The following SOX11 variants were observed in gnomAD, a reference collection of about 807,000 sequenced individuals.
SOX11 encodes the protein SRY-box transcription factor 11, also known as transcription factor SOX-11.
A neutral mutation model predicts 16.7 loss-of-function variants in SOX11; 5 were observed. That is an observed-to-expected ratio of 0.30 (90% CI 0.16 to 0.63). SOX11 has a LOEUF of 0.63. Among genes scored for constraint, SOX11 ranks in the 20% least tolerant of loss-of-function variants. The probability of loss-of-function intolerance (pLI) is 0.82; values close to 1 mark genes in which losing one functional copy is unlikely to be tolerated. For synonymous variants in SOX11, 363 were observed against 298.8 expected, an observed-to-expected ratio of 1.21 and a Z score of -2.22; for missense variants, 492 against 641.5, an observed-to-expected ratio of 0.77 and a Z score of 2.52.
At position 5,696,387 on chromosome 2, in the gene SOX11, G is replaced by T; in HGVS notation, c.*2340G>T. 6.0e-6 allele frequency: 1 copy of T among 165,792 alleles called. No individual in the cohort carries two copies. The highest frequency in any genetic ancestry group is 1.9e-4 in the South Asian group (1 of 5,220). 10.3% of individuals were successfully genotyped at this position (165,792 alleles called of 1,614,324 possible). The stretch of plus-strand genomic sequence containing the variant: ...CCGCAGGGGGCGCGGGGCGCGGCGG[G>T]ACCCAGGCTACGAGCGGGAGGGAGG... On this transcript the variant is annotated 3_prime_UTR_variant, in exon 1 of 1. Transcript: ENST00000322002.
rs1217089456 is a variant in SOX11, at chr2:5,692,572, AG to A, written c.-143del. ...CCACAGCCGCTGTGTGCAGCCTGGA[AG>A]GGGGGGCGGGGGGGAGGGGGGGAGC... On this transcript the variant is annotated 5_prime_UTR_variant, in exon 1 of 1. Coordinates refer to ENST00000322002, the MANE Select transcript of SOX11 (RefSeq NM_003108.4). 67 of 422,780 alleles carry A rather than the reference AG, an allele frequency of 1.6e-4. No homozygotes were observed. The highest frequency in any genetic ancestry group is 9.8e-4 in the East Asian group (25 of 25,450). 26.2% of individuals were successfully genotyped at this position (422,780 alleles called of 1,614,324 possible).
Position 5,696,400 on chromosome 2 carries a change from AGCGGGAGGGAG to A in SOX11, c.*2361_*2371del, listed in dbSNP as rs1459226575. The stretch of plus-strand genomic sequence containing the variant: ...GGGGCGCGGCGGGACCCAGGCTACG[AGCGGGAGGGAG>A]GCGGGAGTCGGGGGAAGACGCGGCA... On this transcript the variant is annotated 3_prime_UTR_variant, in exon 1 of 1. Transcript: ENST00000322002. 1.2e-5 allele frequency: 2 copies of A among 162,710 alleles called. No individual in the cohort carries two copies. Among genetic ancestry groups the A allele is most frequent in the African/African-American group, 4.8e-5 (2 of 41,280 alleles). 10.1% of individuals were successfully genotyped at this position (162,710 alleles called of 1,614,324 possible). A position where few individuals can be genotyped will look rare whatever the true frequency, so the allele number is the denominator to read the frequency against.
Position 5,693,873 on chromosome 2 carries a change from C to T in SOX11, c.1152C>T (p.Gly384=), listed in dbSNP as rs370958574. The T allele has an allele frequency of 3.0e-5, 46 of 1,551,392 alleles. No individual in the cohort carries two copies. The East Asian group carries it at 7.6e-4, about 26-fold the overall frequency. ...HSASEQQLGG[G]AAAGNLSLSL... is the part of the protein sequence containing the mutation. ...CCAGCGAGCAGCAGCTGGGGGGCGG[C>T]GCGGCGGCCGGGAACCTGTCCCTGT... Residue 384 remains glycine (G), a synonymous_variant, in exon 1 of 1, where the codon GGC becomes GGT. Coordinates refer to ENST00000322002, the MANE Select transcript of SOX11 (RefSeq NM_003108.4). The surrounding 1 kb of genome is among the most constrained non-coding windows in gnomAD (Gnocchi z 8.6).
Position 5,699,436 on chromosome 2 carries a change from A to G in SOX11, c.*5389A>G, listed in dbSNP as rs1320340434. 3.0e-5 allele frequency: 5 copies of G among 167,034 alleles called. No individual in the cohort carries two copies. The highest frequency in any genetic ancestry group is 1.2e-4 in the African/African-American group (5 of 41,468). The allele number at this position is 167,034 out of a possible 1,614,324, so 10.3% of individuals were successfully genotyped here. A position where few individuals can be genotyped will look rare whatever the true frequency, so the allele number is the denominator to read the frequency against. ...TAACACAGGGATTTACAAGTTCCCA[A>G]AGTAACCGTCTCCATGTAACTCTTG... On this transcript the variant is annotated 3_prime_UTR_variant, in exon 1 of 1. Transcript: ENST00000322002.
rs546100296 is a variant in SOX11, at chr2:5,700,356, C to T, written c.*6309C>T. 1 of 166,210 alleles carries T rather than the reference C, an allele frequency of 6.0e-6. No individual in the cohort carries two copies. Among genetic ancestry groups the T allele is most frequent in the Admixed American group, 6.6e-5 (1 of 15,230 alleles). 10.3% of individuals were successfully genotyped at this position (166,210 alleles called of 1,614,324 possible). Reference sequence around the variant, plus strand: ...AAAAAATAGGATTTCCTCTAGGCTCCTCGAAGAGATTTTTTTAATATGATG... The same window carrying T: ...AAAAAATAGGATTTCCTCTAGGCTCTTCGAAGAGATTTTTTTAATATGATG... On this transcript the variant is annotated 3_prime_UTR_variant, in exon 1 of 1. Transcript: ENST00000322002.
At position 5,701,064 on chromosome 2, in the gene SOX11, G is replaced by T. The variant is rs1158752042; in HGVS notation, c.*7017G>T. On this transcript the variant is annotated 3_prime_UTR_variant, in exon 1 of 1. Coordinates refer to ENST00000322002, the MANE Select transcript of SOX11 (RefSeq NM_003108.4). ...GGGGGGAAAGAAAATGCATGGCAAA[G>T]TTTCGTCTTCTCGTAGACTATCTAG... is the stretch of plus-strand genomic sequence containing the variant. 1 of 167,020 alleles carries T rather than the reference G, an allele frequency of 6.0e-6. No individual in the cohort carries two copies. Among genetic ancestry groups the T allele is most frequent in the African/African-American group, 2.4e-5 (1 of 41,430 alleles). The allele number at this position is 167,020 out of a possible 1,614,324, so 10.3% of individuals were successfully genotyped here.
rs1018117049 is a variant in SOX11, at chr2:5,698,555, A to T, written c.*4508A>T. On this transcript the variant is annotated 3_prime_UTR_variant, in exon 1 of 1. Coordinates refer to ENST00000322002, the MANE Select transcript of SOX11 (RefSeq NM_003108.4). ...CTGATACGCATCCCTTTTATTTAAAAAAAAAAAAAATGCTAATAAAAGGCA... is the reference window on the plus strand; with the variant it reads ...CTGATACGCATCCCTTTTATTTAAATAAAAAAAAAATGCTAATAAAAGGCA... 37 of 116,902 alleles carry T rather than the reference A, an allele frequency of 3.2e-4. No homozygotes were observed. In the Middle Eastern group the frequency reaches 0.013, roughly 42 times the overall value. 7.2% of individuals were successfully genotyped at this position (116,902 alleles called of 1,614,324 possible).
chr2:5,693,486 C>T lies in SOX11; in HGVS notation c.765C>T (p.Leu255=), dbSNP rs751607049. Residue 255 remains leucine (L), a synonymous_variant, in exon 1 of 1, where the codon CTC becomes CTT. Coordinates refer to ENST00000322002, the MANE Select transcript of SOX11 (RefSeq NM_003108.4). This position sits in a 1 kb window ranked among gnomAD's most constrained non-coding sequence, Gnocchi z 8.6. ...ACGAGGAACCACCGCACCAGCAGCT[C>T]CTGCAGCCGCCGGGGCAGCAGCCGT... is the stretch of plus-strand genomic sequence containing the variant. ...EEDEEPPHQQ[L]LQPPGQQPSQ... The T allele has an allele frequency of 6.3e-6, 10 of 1,582,912 alleles. No homozygotes were observed. The highest frequency in any genetic ancestry group is 1.3e-5 in the African/African-American group (1 of 74,656).
In SOX11 at chr2:5,694,136, T is replaced by A; in HGVS notation, c.*89T>A. 7.2e-7 allele frequency: 1 copy of A among 1,397,014 alleles called. No homozygotes were observed. The highest frequency in any genetic ancestry group is 2.6e-5 in the East Asian group (1 of 38,956). The allele number at this position is 1,397,014 out of a possible 1,614,324, so 86.5% of individuals were successfully genotyped here. A position where few individuals can be genotyped will look rare whatever the true frequency, so the allele number is the denominator to read the frequency against. ...GTAGTGGTGATGATGATGATGATAATGATGATGATGATGGTGGTGTTGATG... is the reference window on the plus strand; with the variant it reads ...GTAGTGGTGATGATGATGATGATAAAGATGATGATGATGGTGGTGTTGATG... On this transcript the variant is annotated 3_prime_UTR_variant, in exon 1 of 1. Transcript: ENST00000322002.
At position 5,698,568 on chromosome 2, in the gene SOX11, C is replaced by T. The variant is rs574879083; in HGVS notation, c.*4521C>T. 4.4e-4 allele frequency: 73 copies of T among 165,162 alleles called. No individual in the cohort carries two copies. Among genetic ancestry groups the T allele is most frequent in the Non-Finnish European group, 4.1e-4 (28 of 67,778 alleles). The allele number at this position is 165,162 out of a possible 1,614,324, so 10.2% of individuals were successfully genotyped here. A position where few individuals can be genotyped will look rare whatever the true frequency, so the allele number is the denominator to read the frequency against. On this transcript the variant is annotated 3_prime_UTR_variant, in exon 1 of 1. Transcript: ENST00000322002. ...CTTTTATTTAAAAAAAAAAAAAATG[C>T]TAATAAAAGGCAGTGTACTTAAACT...
At position 5,693,328 on chromosome 2, in the gene SOX11, C is replaced by G. The variant is rs753307477; in HGVS notation, c.607C>G (p.Leu203Val). Residue 203 changes from leucine to valine, a missense_variant, in exon 1 of 1, where the codon CTG becomes GTG. By Grantham distance (32) the Leu-to-Val change is conservative. This residue lies in a region of SOX11 where 389 missense variants were observed against 389.0 expected (regional missense o/e 1.00). Transcript: ENST00000322002. The surrounding 1 kb of genome is among the most constrained non-coding windows in gnomAD (Gnocchi z 8.6). ...GGGCGACGACTACGTGCTGGGCAGC[C>G]TGCGCGTGAGCGGCTCGGGCGGCGG... ...GAGDDYVLGSLRVSGSGGGGA... is the reference protein window; with the variant it reads ...GAGDDYVLGSVRVSGSGGGGA... 6.3e-7 allele frequency: 1 copy of G among 1,588,754 alleles called. No homozygotes were observed. The highest frequency in any genetic ancestry group is 1.7e-5 in the Admixed American group (1 of 59,200).
Position 5,694,643 on chromosome 2 carries a change from C to T in SOX11, c.*596C>T, listed in dbSNP as rs1270677993. 5 of 150,736 alleles carry T rather than the reference C, an allele frequency of 3.3e-5. No individual in the cohort carries two copies. The highest frequency in any genetic ancestry group is 2.1e-4 in the East Asian group (1 of 4,706). 9.3% of individuals were successfully genotyped at this position (150,736 alleles called of 1,614,324 possible). ...GATTTTTTTTTAACAAAAAAAGGGA[C>T]CATTGCAACTTTTGTTAATTTAATT... On this transcript the variant is annotated 3_prime_UTR_variant, in exon 1 of 1. Transcript: ENST00000322002.
chr2:5,695,918 T>C lies in SOX11; in HGVS notation c.*1871T>C, dbSNP rs773073908. The C allele has an allele frequency of 3.1e-4, 52 of 167,384 alleles. 1 individual carries two copies. Among genetic ancestry groups the C allele is most frequent in the Non-Finnish European group, 1.0e-4 (7 of 68,304 alleles). The allele number at this position is 167,384 out of a possible 1,614,324, so 10.4% of individuals were successfully genotyped here. On this transcript the variant is annotated 3_prime_UTR_variant, in exon 1 of 1. Transcript: ENST00000322002. ...CACCTCCTCCTCCACTCCCTGCCTC[T>C]TCTCCCCACCCATCCTGGCGGGCGG... is the stretch of plus-strand genomic sequence containing the variant.
rs1665693956 is a variant in SOX11, at chr2:5,694,471, AGGACCC to A, written c.*426_*431del. ...GGGGGCGGGGCGGGGGAGGGGAGGT[AGGACCC>A]GCTCCGGAAGGCGCTGTTTGAAGCT... On this transcript the variant is annotated 3_prime_UTR_variant, in exon 1 of 1. Coordinates refer to ENST00000322002, the MANE Select transcript of SOX11 (RefSeq NM_003108.4). The A allele has an allele frequency of 3.0e-6, 1 of 330,782 alleles. No individual in the cohort carries two copies. Among genetic ancestry groups the A allele is most frequent in the Non-Finnish European group, 5.7e-6 (1 of 175,444 alleles). The allele number at this position is 330,782 out of a possible 1,614,324, so 20.5% of individuals were successfully genotyped here. A position where few individuals can be genotyped will look rare whatever the true frequency, so the allele number is the denominator to read the frequency against.
Position 5,698,471 on chromosome 2 carries a change from G to C in SOX11, c.*4424G>C, listed in dbSNP as rs2103280744. 1 of 166,726 alleles carries C rather than the reference G, an allele frequency of 6.0e-6. No individual in the cohort carries two copies. The highest frequency in any genetic ancestry group is 2.1e-4 in the South Asian group (1 of 4,802). The allele number at this position is 166,726 out of a possible 1,614,324, so 10.3% of individuals were successfully genotyped here. ...GTAAGCTTTCCATCTTTAAGAAATT[G>C]AACCAGCATTCTCTTATTAATTCTT... On this transcript the variant is annotated 3_prime_UTR_variant, in exon 1 of 1. Coordinates refer to ENST00000322002, the MANE Select transcript of SOX11 (RefSeq NM_003108.4).
chr2:5,693,551 C>T lies in SOX11; in HGVS notation c.830C>T (p.Ala277Val). 1 of 1,565,522 alleles carries T rather than the reference C, an allele frequency of 6.4e-7. No individual in the cohort carries two copies. Among genetic ancestry groups the T allele is most frequent in the Non-Finnish European group, 8.6e-7 (1 of 1,162,896 alleles). ...CGCTACAACGTCGCCAAAGTGCCCG[C>T]CAGCCCTACGCTGAGCAGCTCGGCG... ...LRRYNVAKVP[A>V]SPTLSSSAES... The change falls in exon 1 of 1, where the codon GCC becomes GTC. Residue 277 changes from alanine (A) to valine (V), a missense_variant. This residue lies in a region of SOX11 where 389 missense variants were observed against 389.0 expected (regional missense o/e 1.00). Transcript: ENST00000322002. This position sits in a 1 kb window ranked among gnomAD's most constrained non-coding sequence, Gnocchi z 8.6.
At position 5,692,699 on chromosome 2, in the gene SOX11, A is replaced by G; in HGVS notation, c.-23A>G. Reference sequence around the variant, plus strand: ...CACGAGACCCAGCGGCCCGGGTTGGAGCGTCCAGCCCTGCAGCGGATCATG... The same window carrying G: ...CACGAGACCCAGCGGCCCGGGTTGGGGCGTCCAGCCCTGCAGCGGATCATG... On this transcript the variant is annotated 5_prime_UTR_variant, in exon 1 of 1. Transcript: ENST00000322002. 6.5e-7 allele frequency: 1 copy of G among 1,539,350 alleles called. No homozygotes were observed. The highest frequency in any genetic ancestry group is 8.8e-7 in the Non-Finnish European group (1 of 1,138,820).
At position 5,692,770 on chromosome 2, in the gene SOX11, G is replaced by C. The variant is rs149438305; in HGVS notation, c.49G>C (p.Glu17Gln). 6.2e-7 allele frequency: 1 copy of C among 1,610,750 alleles called. No individual in the cohort carries two copies. Among genetic ancestry groups the C allele is most frequent in the Non-Finnish European group, 8.5e-7 (1 of 1,177,886 alleles). Residue 17 changes from glutamate to glutamine, a missense_variant, in exon 1 of 1, where the codon GAG becomes CAG. Physicochemically the swap from Glu to Gln is conservative, Grantham distance 29. Coordinates refer to ENST00000322002, the MANE Select transcript of SOX11 (RefSeq NM_003108.4). ...SLEAESNLPR[E>Q]ALDTEEGEFM... ...GGAAGCGGAGAGCAACCTGCCCCGG[G>C]AGGCGCTGGACACGGAGGAGGGCGA...
Position 5,699,010 on chromosome 2 carries a change from A to G in SOX11, c.*4963A>G, listed in dbSNP as rs1665791422. 6.0e-6 allele frequency: 1 copy of G among 166,994 alleles called. No homozygotes were observed. Among genetic ancestry groups the G allele is most frequent in the African/African-American group, 2.4e-5 (1 of 41,444 alleles). 10.3% of individuals were successfully genotyped at this position (166,994 alleles called of 1,614,324 possible). A position where few individuals can be genotyped will look rare whatever the true frequency, so the allele number is the denominator to read the frequency against. On this transcript the variant is annotated 3_prime_UTR_variant, in exon 1 of 1. Coordinates refer to ENST00000322002, the MANE Select transcript of SOX11 (RefSeq NM_003108.4). ...ATATTATATCAATCTTAACTTTTTT[A>G]TTCTCTGATATGATTAATAATATGT...
Sources: allele counts gnomAD v4.1 joint callset, GRCh38; gene constraint gnomAD v4.1.1; regional missense constraint gnomAD v4.1.1; non-coding constraint Gnocchi (gnomAD v3.1); transcripts MANE v1.5; gene names NCBI Gene and HGNC (gene_info 2026-07-23, HGNC 2026-07-21).